Variants in GPC5 observed in about 807,000 individuals in gnomAD.
GPC5 encodes glypican 5, also known as glypican-5.
Under a neutral mutation model 53.9 loss-of-function variants are expected in GPC5, and 47 were observed. The observed-to-expected ratio is 0.87, with a 90% CI of 0.69 to 1.11. The LOEUF (loss-of-function observed/expected upper bound fraction) is 1.11, where lower values mean the gene tolerates loss of function less well. GPC5 is among the 50% of genes most tolerant of loss of function. The pLI is 0.00. For missense variants in GPC5, 748 were observed against 713.1 expected, an observed-to-expected ratio of 1.05 and a Z score of -0.56; for synonymous variants, 286 against 263.3, an observed-to-expected ratio of 1.09 and a Z score of -0.84.
At chr13:91,718,489 A>T (rs1179494290) in intron 3 of GPC5, among the ~76,000 whole-genome samples, 1 of 151,760 alleles carries the variant, frequency 6.6e-6, no homozygotes, top group Non-Finnish European at 1.5e-5. Flanking sequence ...CAGTATTGAT[A>T]TTGTAGTAGC....
rs2041961599 is a variant in GPC5, at chr13:92,158,493, T to C, written c.1561+13504T>C. ...AACCTGTCAACTTTCCTCTCAATTC[T>C]TTTCAGTTGTTCCTTTTTTTTTTTC... On this transcript the variant is annotated intron_variant, in intron 7 of 7. Transcript: ENST00000377067. 1.3e-5 allele frequency among the ~76,000 whole-genome samples: 2 copies of C among 151,832 alleles called. 1 individual carries two copies. The highest frequency in any genetic ancestry group is 2.9e-5 in the Non-Finnish European group (2 of 67,996).
intron 7 of GPC5, among the ~76,000 whole-genome samples, chr13:92,194,095 T>C (rs1566478803): frequency 1.3e-5 from 2 of 152,202 alleles, no homozygotes; most frequent in Non-Finnish European, 2.9e-5. Context: ...GAAATTATCA[T>C]AGTTTATGGA....
At chr13:91,641,220 C>T (rs915445517) in intron 2 of GPC5, among the ~76,000 whole-genome samples, 7 of 152,042 alleles carry the variant, frequency 4.6e-5, no homozygotes, top group Non-Finnish European at 8.8e-5. Context: ...CCCAGCTACT[C>T]GGGAGGCTGA....
At chr13:92,318,586 A>G (rs2043195334) in intron 7 of GPC5, among the ~76,000 whole-genome samples, 1 of 152,062 alleles carries the variant, frequency 6.6e-6, no homozygotes. Flanking sequence ...GGCACCCAAA[A>G]CCCTTGACAA....
chr13:92,529,475 T>C (rs938888062), intron 7 of GPC5, among the ~76,000 whole-genome samples: 3 of 152,220 alleles, frequency 2.0e-5, no homozygotes, highest in Non-Finnish European at 4.4e-5. Context: ...GAAGAATTAA[T>C]GATCAAATCA....
At chr13:92,637,347 A>T (rs1483968096) in intron 7 of GPC5, among the ~76,000 whole-genome samples, 1 of 152,212 alleles carries the variant, frequency 6.6e-6, no homozygotes, top group Non-Finnish European at 1.5e-5. Flanking sequence ...TTTTCAGGGG[A>T]TGTACAGATT....
chr13:92,533,691 A>C lies in GPC5; in HGVS notation c.1562-332591A>C, dbSNP rs533820308. On this transcript the variant is annotated intron_variant, in intron 7 of 7. Coordinates refer to ENST00000377067, the MANE Select transcript of GPC5 (RefSeq NM_004466.6). ...GAAAAGATCTCATTGGTAGGTTTTC[A>C]TCAGAAGAAATACATTCTGGTATCA... Among the ~76,000 whole-genome samples the C allele has an allele frequency of 2.6e-5, 4 of 152,284 alleles. No individual in the cohort carries two copies. The South Asian group carries it at 8.3e-4, about 32-fold the overall frequency.
intron 2 of GPC5, among the ~76,000 whole-genome samples, chr13:91,546,590 GT>G (rs145662542): frequency 0.012 from 1,813 of 151,952 alleles, 36 homozygotes; most frequent in African/African-American, 0.04. Context: ...TAAAGATAAA[GT>G]TCTTTGATAT....
intron 7 of GPC5, among the ~76,000 whole-genome samples, chr13:92,256,687 C>G (rs1395787540): frequency 1.3e-5 from 2 of 151,706 alleles, no homozygotes; most frequent in African/African-American, 4.8e-5. Context: ...CAATATGAAT[C>G]TGTACCAATT....
intron 7 of GPC5, among the ~76,000 whole-genome samples, chr13:92,284,958 G>A (rs556670523): frequency 2.0e-5 from 3 of 152,206 alleles, no homozygotes; most frequent in South Asian, 4.1e-4. Flanking sequence ...AATTGTCCCT[G>A]TTTGCAGATG....
chr13:91,630,252 C>T (rs922596732), intron 2 of GPC5, among the ~76,000 whole-genome samples: 17 of 152,154 alleles, frequency 1.1e-4, no homozygotes, highest in East Asian at 9.7e-4. Flanking sequence ...TTTAAGATAA[C>T]AGTAAAGGGC....
chr13:92,442,267 C>T (rs1221913634), intron 7 of GPC5, among the ~76,000 whole-genome samples: 1 of 152,106 alleles, frequency 6.6e-6, no homozygotes, highest in Admixed American at 6.6e-5. Flanking sequence ...ATCCAACTCT[C>T]CTCATTAGGT....
intron 6 of GPC5, among the ~76,000 whole-genome samples, chr13:91,969,748 C>T (rs972373205): frequency 2.6e-5 from 4 of 152,092 alleles, no homozygotes; most frequent in African/African-American, 9.7e-5. Flanking sequence ...AAATAGCCAA[C>T]ACGTTTATGA....
chr13:91,859,400 T>G (rs889117488), intron 5 of GPC5, among the ~76,000 whole-genome samples: 4 of 151,976 alleles, frequency 2.6e-5, no homozygotes, highest in African/African-American at 9.7e-5. Flanking sequence ...TTTGTGGAAC[T>G]TCTAAGGATC....
intron 1 of GPC5, among the ~76,000 whole-genome samples, chr13:91,447,429 A>G (rs543722978): frequency 2.6e-5 from 4 of 152,068 alleles, no homozygotes; most frequent in African/African-American, 9.6e-5. Context: ...AATGTTACCT[A>G]CTGTGACACT....
chr13:91,485,764 G>A (rs1476091514), intron 2 of GPC5: 1 of 152,154 alleles, frequency 6.6e-6, no homozygotes, highest in Non-Finnish European at 1.5e-5. Flanking sequence ...AATAGGGTCA[G>A]CATTTTCAAA....
At chr13:92,743,666 T>C (rs1270274373) in intron 7 of GPC5, among the ~76,000 whole-genome samples, 2 of 152,088 alleles carry the variant, frequency 1.3e-5, no homozygotes, top group African/African-American at 4.8e-5. Context: ...CTTGTGCCAG[T>C]TTTCAAAGAG....
intron 7 of GPC5, among the ~76,000 whole-genome samples, chr13:92,468,121 A>G (rs1405490918): frequency 6.6e-6 from 1 of 152,076 alleles, no homozygotes; most frequent in Admixed American, 6.6e-5. Flanking sequence ...AACTCTTTAT[A>G]GGCGAAAATA....
chr13:92,189,356 G>A (rs2042206227), intron 7 of GPC5, among the ~76,000 whole-genome samples: 2 of 152,138 alleles, frequency 1.3e-5, no homozygotes, highest in Middle Eastern at 6.8e-3. Flanking sequence ...CTCCCAAGTG[G>A]GGCAAGGGAA....
Sources: gnomAD v4.1 joint callset for allele counts (sites outside exome capture counted in the v4.1 genomes callset) on GRCh38, gnomAD v4.1.1 for gene constraint, MANE v1.5 for transcripts, NCBI Gene and HGNC (gene_info 2026-07-23, HGNC 2026-07-21) for gene names.